CFAP47: variants seen among roughly 807,000 people sequenced by gnomAD.
CFAP47 encodes the protein cilia and flagella associated protein 47, also known as cilia- and flagella-associated protein 47.
CFAP47 carries 29 observed loss-of-function variants against 148.1 expected under a neutral mutation model. That is an observed-to-expected ratio of 0.20 (90% CI 0.15 to 0.27). The LOEUF is 0.27. CFAP47 is among the 10% of genes least tolerant of loss of function. The probability of loss-of-function intolerance (pLI) is 1.00; values close to 1 mark genes in which losing one functional copy is unlikely to be tolerated. For synonymous variants in CFAP47, 664 were observed against 577.3 expected (o/e 1.15, Z -2.15); for missense variants, 1,872 against 1,697.5 (o/e 1.10, Z -1.81).
intron 33 of CFAP47, among the ~76,000 whole-genome samples, chrX:36,107,683 G>A (rs1193657572): frequency 9.0e-6 from 1 of 111,586 alleles, no homozygotes; most frequent in African/African-American, 3.3e-5. Context: ...TTGTGTTGAT[G>A]TGCTGATGTG....
intron 33 of CFAP47, among the ~76,000 whole-genome samples, chrX:36,113,207 G>T (rs932385139): frequency 1.2e-4 from 14 of 112,210 alleles, no homozygotes; most frequent in Admixed American, 3.8e-4. Flanking sequence ...GTACTTACAT[G>T]TGCTTTTGTA....
At position 35,919,736 on chromosome X, in the gene CFAP47, T is replaced by C. The variant is rs2146603655; in HGVS notation, c.-64T>C. The C allele has an allele frequency of 8.9e-7, 1 of 1,126,257 alleles. No individual in the cohort carries two copies. 92.8% of individuals were successfully genotyped at this position (1,126,257 alleles called of 1,213,427 possible). A position where few individuals can be genotyped will look rare whatever the true frequency, so the allele number is the denominator to read the frequency against. ...GCGTCTGATGGTTGCCTAGCGACGGTCGTCGACGCTAATCCTTGGCCGGAC... is the reference window on the plus strand; with the variant it reads ...GCGTCTGATGGTTGCCTAGCGACGGCCGTCGACGCTAATCCTTGGCCGGAC... On this transcript the variant is annotated 5_prime_UTR_variant, in exon 1 of 64. Coordinates refer to ENST00000378653, the MANE Select transcript of CFAP47 (RefSeq NM_001304548.2).
chrX:36,226,003 G>A (rs2146898829), intron 45 of CFAP47, among the ~76,000 whole-genome samples: 1 of 111,823 alleles, frequency 8.9e-6, no homozygotes, highest in South Asian at 3.7e-4. Context: ...AGTCCCACTG[G>A]GGGCCTCTGG....
intron 42 of CFAP47, among the ~76,000 whole-genome samples, chrX:36,193,756 A>G (rs1352879589): frequency 9.0e-6 from 1 of 111,464 alleles, no homozygotes; most frequent in African/African-American, 3.3e-5. Flanking sequence ...CTCTTCAGCC[A>G]CCCTCCTTTC....
At chrX:36,176,808 G>A (rs1939688183) in intron 39 of CFAP47, among the ~76,000 whole-genome samples, 1 of 112,300 alleles carries the variant, frequency 8.9e-6, no homozygotes, top group African/African-American at 3.2e-5. Context: ...GGGAGGCTGA[G>A]GTGGAAGAAT....
intron 33 of CFAP47, among the ~76,000 whole-genome samples, chrX:36,129,700 A>G (rs1358747675): frequency 1.8e-5 from 2 of 111,705 alleles, no homozygotes; most frequent in Non-Finnish European, 3.8e-5. Context: ...AGAATAAAAT[A>G]TAATCAGGAG....
intron 13 of CFAP47, among the ~76,000 whole-genome samples, chrX:35,972,660 A>G (rs563623356): frequency 8.9e-6 from 1 of 111,810 alleles, no homozygotes; most frequent in East Asian, 2.8e-4. Flanking sequence ...ACTTAGCATA[A>G]TGTTTTTGAG....
chrX:36,157,692 T>A (rs750283930), intron 37 of CFAP47, among the ~76,000 whole-genome samples: 9 of 111,377 alleles, frequency 8.1e-5, no homozygotes, highest in Non-Finnish European at 1.7e-4. Flanking sequence ...GTGTTTTTTT[T>A]TTCTAATTAC....
intron 26 of CFAP47, among the ~76,000 whole-genome samples, chrX:36,061,389 A>C (rs1302764580): frequency 3.6e-5 from 4 of 112,203 alleles, no homozygotes; most frequent in African/African-American, 1.3e-4. Flanking sequence ...ACAACATGAC[A>C]TATGATGTCC....
intron 25 of CFAP47, among the ~76,000 whole-genome samples, chrX:36,042,789 A>C (rs1937422190): frequency 9.0e-6 from 1 of 111,610 alleles, no homozygotes; most frequent in South Asian, 3.6e-4. Context: ...AATTCAACTA[A>C]AGTTTTCATG....
chrX:36,348,644 A>G (rs1262382361), intron 58 of CFAP47, among the ~76,000 whole-genome samples: 5 of 110,946 alleles, frequency 4.5e-5, no homozygotes, highest in Non-Finnish European at 7.5e-5. Context: ...TAATCAGTAT[A>G]CAGAGGACAA....
rs1196394763 is a variant in CFAP47 at position 36,246,139 on chromosome X, TG to T, written c.7333-5192del. On this transcript the variant is annotated intron_variant, in intron 48 of 63. Coordinates refer to ENST00000378653, the MANE Select transcript of CFAP47 (RefSeq NM_001304548.2). ...AACAAAACAAAGACATCCTACAGAATGGTAGAAAATATTCACAATCTGTTCA... is the reference window on the plus strand; with the variant it reads ...AACAAAACAAAGACATCCTACAGAATGTAGAAAATATTCACAATCTGTTCA... Among the ~76,000 whole-genome samples, 17 of 111,803 alleles carry T rather than the reference TG, an allele frequency of 1.5e-4. No individual in the cohort carries two copies. The Admixed American group carries it at 1.5e-3, about 10-fold the overall frequency.
rs767801607 is a variant in CFAP47 at position 35,967,631 on chromosome X, C to T, written c.1613C>T (p.Ser538Leu). 7.8e-5 allele frequency: 94 copies of T among 1,203,318 alleles called. 1 individual carries two copies. The highest frequency in any genetic ancestry group is 8.9e-5 in the Non-Finnish European group (79 of 890,609). Residue 538 changes from serine to leucine, a missense_variant, in exon 10 of 64, where the codon TCG becomes TTG. Transcript: ENST00000378653. ...VMKFDPGILPSIRNPTGKFVV... is the reference protein window; with the variant it reads ...VMKFDPGILPLIRNPTGKFVV... Reference sequence around the variant, plus strand: ...AATTCTATAAAAGGTATATTGCCTTCGATCCGTAATCCCACGGGAAAGTTT... The same window carrying T: ...AATTCTATAAAAGGTATATTGCCTTTGATCCGTAATCCCACGGGAAAGTTT...
intron 50 of CFAP47, among the ~76,000 whole-genome samples, chrX:36,283,057 C>A (rs1179567829): frequency 1.8e-5 from 2 of 109,462 alleles, no homozygotes; most frequent in Non-Finnish European, 3.8e-5. Context: ...TTGTATACAC[C>A]CCAGTATATT....
chrX:36,380,071 C>T (rs781813552), intron 63 of CFAP47, among the ~76,000 whole-genome samples: 8 of 111,549 alleles, frequency 7.2e-5, no homozygotes, highest in African/African-American at 2.6e-4. Context: ...ATTCAGTAAC[C>T]AAAGTTGCTC....
At chrX:35,953,149 A>G (rs1367169568) in intron 6 of CFAP47, among the ~76,000 whole-genome samples, 2 of 112,326 alleles carry the variant, frequency 1.8e-5, no homozygotes, top group South Asian at 7.3e-4. Context: ...TGTCCACAAC[A>G]AGAGCATGGC....
chrX:35,924,027 A>G lies in CFAP47; in HGVS notation c.250-1990A>G, dbSNP rs188634168. Among the ~76,000 whole-genome samples, 72 of 95,784 alleles carry G rather than the reference A, an allele frequency of 7.5e-4. 3 individuals carry two copies. In the East Asian group the frequency reaches 0.021, roughly 28 times the overall value. The allele number at this position is 95,784 out of a possible 115,157, so 83.2% of individuals were successfully genotyped here. A position where few individuals can be genotyped will look rare whatever the true frequency, so the allele number is the denominator to read the frequency against. ...TATGTGTAAATATATATGCACATAT[A>G]TATGCACATATATGTGTATATGTAC... On this transcript the variant is annotated intron_variant, in intron 1 of 63. Transcript: ENST00000378653.
At chrX:36,266,787 GC>G (rs1360971880) in intron 49 of CFAP47, among the ~76,000 whole-genome samples, 5 of 110,909 alleles carry the variant, frequency 4.5e-5, no homozygotes, top group African/African-American at 1.6e-4. Context: ...GGAAAAGACA[GC>G]CCTTTTCTCT....
intron 51 of CFAP47, among the ~76,000 whole-genome samples, chrX:36,296,976 C>T (rs149087553): frequency 1.2e-3 from 137 of 111,321 alleles, no homozygotes; most frequent in African/African-American, 4.2e-3. Flanking sequence ...TAATTATAAG[C>T]GTTGAATATT....
Sources: gnomAD v4.1 joint callset for allele counts (sites outside exome capture counted in the v4.1 genomes callset) on GRCh38, gnomAD v4.1.1 for gene constraint, MANE v1.5 for transcripts, NCBI Gene and HGNC (gene_info 2026-07-23, HGNC 2026-07-21) for gene names.